The following HIC2 variants were observed in gnomAD, a reference collection of about 807,000 sequenced individuals.
HIC2 encodes HIC ZBTB transcriptional repressor 2.
A neutral mutation model predicts 39.5 loss-of-function variants in HIC2; 2 were observed. The observed-to-expected ratio is 0.05, with a 90% CI of 0.02 to 0.16. HIC2 has a LOEUF of 0.16. Ranked by LOEUF, HIC2 falls within the 10% of genes least tolerant of loss-of-function variation. HIC2 has a pLI of 1.00. For synonymous variants in HIC2, 399 were observed against 368.8 expected (o/e 1.08, Z -0.94); for missense variants, 713 against 863.5 (o/e 0.83, Z 2.18).
chr22:21,442,991 A>C (rs2148339795), intron 2 of HIC2, 134 bp downstream of exon 2: 1 of 480,340 alleles, frequency 2.1e-6, no homozygotes, highest in East Asian at 3.7e-5. Flanking sequence ...GGCAGTGTGG[A>C]GGGAGCCTGG....
intron 1 of HIC2, among the ~76,000 whole-genome samples, chr22:21,426,340 T>TA: frequency 1.0e-5 from 1 of 97,186 alleles, no homozygotes; most frequent in Non-Finnish European, 2.0e-5. Context: ...GCCAGCTATT[T>TA]TTTTTTTTTT....
rs201220817 is a variant in HIC2 at position 21,445,743 on chromosome 22, C to T, written c.848C>T (p.Ala283Val). 156 of 1,611,392 alleles carry T rather than the reference C, an allele frequency of 9.7e-5. No individual in the cohort carries two copies. Among genetic ancestry groups the T allele is most frequent in the African/African-American group, 3.3e-4 (25 of 74,926 alleles). Residue 283 changes from alanine (A) to valine (V), a missense_variant, in exon 3 of 3, where the codon GCG (alanine) becomes GTG (valine). By Grantham distance (64) the Ala-to-Val change is moderately conservative. Around this residue, in one of 5 missense-constraint regions of HIC2, gnomAD observed 457 missense variants for 420.2 expected, o/e 1.09. Transcript: ENST00000407464. Reference sequence around the variant, plus strand: ...GACAGCCAACATGGCTCGCCCCCTGCGGCCTCTGCTCCTCCCGTTGCCAAC... The same window carrying T: ...GACAGCCAACATGGCTCGCCCCCTGTGGCCTCTGCTCCTCCCGTTGCCAAC... Reference protein sequence around the residue: ...LSDSQHGSPPAASAPPVANSA... With the variant: ...LSDSQHGSPPVASAPPVANSA...
In HIC2 at chr22:21,445,815, A is replaced by G; in HGVS notation, c.920A>G (p.Asp307Gly). ...GGGGGCACCCCTGATGAGCCCATGG[A>G]TCTGGAGGGGGCCGAGGACAACCAC... is the stretch of plus-strand genomic sequence containing the variant. ...ELGGTPDEPM[D>G]LEGAEDNHLS... Residue 307 changes from aspartate to glycine, a missense_variant, in exon 3 of 3, where the codon GAT becomes GGT. Physicochemically the swap from Asp to Gly is moderately conservative, Grantham distance 94. This residue lies in a region of HIC2 where 457 missense variants were observed against 420.2 expected (regional missense o/e 1.09). Coordinates refer to ENST00000407464, the MANE Select transcript of HIC2 (RefSeq NM_015094.3). 6.3e-7 allele frequency: 1 copy of G among 1,591,600 alleles called. No homozygotes were observed. The highest frequency in any genetic ancestry group is 1.3e-5 in the African/African-American group (1 of 74,254).
intron 2 of HIC2, 148 bp downstream of exon 2, chr22:21,443,005 C>T (rs1400660766): frequency 2.2e-6 from 1 of 456,602 alleles, no homozygotes; most frequent in East Asian, 3.7e-5. Flanking sequence ...AGCCTGGAGG[C>T]CACTGCCCTC....
At chr22:21,444,789 T>G in intron 2 of HIC2, 133 bp from the exon 3 acceptor site, 1 of 922,162 alleles carries the variant, frequency 1.1e-6, no homozygotes, top group East Asian at 2.5e-5. Context: ...TGCCGTGTAC[T>G]GTGCCGCAGG....
Position 21,445,971 on chromosome 22 carries a change from G to A in HIC2, c.1076G>A (p.Gly359Asp). ...GAGCGGAGAGAAGCAGGGCCCAAGG[G>A]TCCCTGCCCGGGAGAGGAGGGTGAG... ...PFERREAGPK[G>D]PCPGEEGEGV... Residue 359 changes from glycine to aspartate, a missense_variant, in exon 3 of 3, where the codon GGT becomes GAT. By Grantham distance (94) the Gly-to-Asp change is moderately conservative. Coordinates refer to ENST00000407464, the MANE Select transcript of HIC2 (RefSeq NM_015094.3). The A allele has an allele frequency of 1.9e-6, 3 of 1,561,808 alleles. No individual in the cohort carries two copies. Among genetic ancestry groups the A allele is most frequent in the Non-Finnish European group, 1.7e-6 (2 of 1,157,104 alleles).
rs1923817351 is a variant in HIC2 at position 21,446,118 on chromosome 22, A to G, written c.1223A>G (p.Asp408Gly). The change falls in exon 3 of 3, where the codon GAC becomes GGC. Residue 408 changes from aspartate (D) to glycine (G), a missense_variant. Physicochemically the swap from Asp to Gly is moderately conservative, Grantham distance 94. This residue lies in a region of HIC2 where 457 missense variants were observed against 420.2 expected (regional missense o/e 1.09). Coordinates refer to ENST00000407464, the MANE Select transcript of HIC2 (RefSeq NM_015094.3). ...GAGAACGGCAAGGATGCAAGTGAAG[A>G]CAGTGCGCAGAGCGGGAGCGAGGGG... ...EEENGKDASE[D>G]SAQSGSEGGS... 6.2e-7 allele frequency: 1 copy of G among 1,608,292 alleles called. No homozygotes were observed. Among genetic ancestry groups the G allele is most frequent in the Non-Finnish European group, 8.5e-7 (1 of 1,179,860 alleles).
chr22:21,449,432 A>T lies in HIC2; in HGVS notation c.*2689A>T, dbSNP rs1924044579. On this transcript the variant is annotated 3_prime_UTR_variant, in exon 3 of 3. Transcript: ENST00000407464. ...GGATAAACAAAGAAAAAAGAAAAAA[A>T]AATAAGCTCATACCCAAATTCACAA... 6.5e-6 allele frequency: 1 copy of T among 152,788 alleles called. No homozygotes were observed. Among genetic ancestry groups the T allele is most frequent in the Non-Finnish European group, 1.5e-5 (1 of 68,050 alleles). The allele number at this position is 152,788 out of a possible 1,614,324, so 9.5% of individuals were successfully genotyped here.
At chr22:21,431,993 T>C (rs1601326422) in intron 1 of HIC2, among the ~76,000 whole-genome samples, 2 of 141,684 alleles carry the variant, frequency 1.4e-5, no homozygotes, top group African/African-American at 5.1e-5. Context: ...AAACTTCCAA[T>C]GGATGCCGAA....
At chr22:21,426,460 G>A (rs1312172466) in intron 1 of HIC2, among the ~76,000 whole-genome samples, 1 of 149,266 alleles carries the variant, frequency 6.7e-6, no homozygotes, top group Non-Finnish European at 1.5e-5. Flanking sequence ...ACTGTGCCCA[G>A]CCTACATAGC....
chr22:21,446,887 C>T lies in HIC2; in HGVS notation c.*144C>T. On this transcript the variant is annotated 3_prime_UTR_variant, in exon 3 of 3. Transcript: ENST00000407464. ...CCCTCTGGCCCCCACTGCCCACACC[C>T]AGAGCTTTAATGGACAGTCCGTACC... 8.6e-7 allele frequency: 1 copy of T among 1,157,442 alleles called. No individual in the cohort carries two copies. Among genetic ancestry groups the T allele is most frequent in the Non-Finnish European group, 1.2e-6 (1 of 844,278 alleles). 71.7% of individuals were successfully genotyped at this position (1,157,442 alleles called of 1,614,324 possible).
intron 1 of HIC2, among the ~76,000 whole-genome samples, chr22:21,438,618 C>CGTAGG (rs1278413966): frequency 9.0e-6 from 1 of 111,156 alleles, no homozygotes; most frequent in African/African-American, 4.7e-5. Context: ...ACCTCGCTCG[C>CGTAGG]GTAGGATCAT....
chr22:21,443,572 G>A (rs1400104336), intron 2 of HIC2, among the ~76,000 whole-genome samples: 6 of 152,124 alleles, frequency 3.9e-5, no homozygotes, highest in East Asian at 3.9e-4. Flanking sequence ...CCTGAACTGC[G>A]AGGCTCAGAG....
At position 21,445,833 on chromosome 22, in the gene HIC2, A is replaced by G. The variant is rs747340871; in HGVS notation, c.938A>G (p.Asp313Gly). 2.5e-6 allele frequency: 4 copies of G among 1,588,770 alleles called. No homozygotes were observed. The highest frequency in any genetic ancestry group is 4.5e-5 in the East Asian group (2 of 44,570). The change falls in exon 3 of 3, where the codon GAC becomes GGC. Residue 313 changes from aspartate (D) to glycine (G), a missense_variant. By Grantham distance (94) the Asp-to-Gly change is moderately conservative. Transcript: ENST00000407464. ...DEPMDLEGAE[D>G]NHLSLLEAPG... ...CCCATGGATCTGGAGGGGGCCGAGG[A>G]CAACCACCTGAGCCTGCTGGAGGCG...
chr22:21,445,537 G>A lies in HIC2; in HGVS notation c.642G>A (p.Leu214=). The change falls in exon 3 of 3, where the codon CTG becomes CTA. Residue 214 remains leucine (L), a synonymous_variant. Transcript: ENST00000407464. The part of the protein sequence containing the change: ...GGSNQDSVQG[L]GRAVCPAGGE... ...CTAACCAGGATAGCGTGCAAGGTCT[G>A]GGCCGGGCTGTCTGCCCAGCTGGCG... The A allele has an allele frequency of 6.2e-7, 1 of 1,601,318 alleles. No individual in the cohort carries two copies. Among genetic ancestry groups the A allele is most frequent in the Non-Finnish European group, 8.5e-7 (1 of 1,175,122 alleles).
In HIC2 at chr22:21,445,757, C is replaced by T. The variant is rs779573988; in HGVS notation, c.862C>T (p.Pro288Ser). 5 of 1,610,076 alleles carry T rather than the reference C, an allele frequency of 3.1e-6. No individual in the cohort carries two copies. In the South Asian group the frequency reaches 5.5e-5, roughly 18 times the overall value. ...CTCGCCCCCTGCGGCCTCTGCTCCT[C>T]CCGTTGCCAACAGTGCCTCTTATTC... Reference protein sequence around the residue: ...HGSPPAASAPPVANSASYSEL... With the variant: ...HGSPPAASAPSVANSASYSEL... Residue 288 changes from proline to serine, a missense_variant, in exon 3 of 3, where the codon CCC becomes TCC. By Grantham distance (74) the Pro-to-Ser change is moderately conservative. This residue lies in a region of HIC2 where 457 missense variants were observed against 420.2 expected (regional missense o/e 1.09). Coordinates refer to ENST00000407464, the MANE Select transcript of HIC2 (RefSeq NM_015094.3).
chr22:21,417,603 G>C (rs1368305801), intron 1 of HIC2, 43 bp downstream of exon 1: 1 of 147,434 alleles, frequency 6.8e-6, no homozygotes. Flanking sequence ...GGGAGCGGGC[G>C]GGGGCCGGGG....
At chr22:21,443,720 G>C (rs1252215320) in intron 2 of HIC2, among the ~76,000 whole-genome samples, 1 of 152,204 alleles carries the variant, frequency 6.6e-6, no homozygotes, top group Non-Finnish European at 1.5e-5. Flanking sequence ...GCCTTCCCCA[G>C]CACCCTCCTG....
rs1236197524 is a variant in HIC2, at chr22:21,447,144, GTGTGCACGTGTGCTTGTGTC to G, written c.*407_*426del. On this transcript the variant is annotated 3_prime_UTR_variant, in exon 3 of 3. Coordinates refer to ENST00000407464, the MANE Select transcript of HIC2 (RefSeq NM_015094.3). ...CTCACCCCGCTGGCCGTGTCTGTGT[GTGTGCACGTGTGCTTGTGTC>G]TGTGCGGGCGCGTGCAGCCCTGGTT... 3 of 223,644 alleles carry G rather than the reference GTGTGCACGTGTGCTTGTGTC, an allele frequency of 1.3e-5. No individual in the cohort carries two copies. The highest frequency in any genetic ancestry group is 1.1e-4 in the East Asian group (1 of 8,974). 13.9% of individuals were successfully genotyped at this position (223,644 alleles called of 1,614,324 possible).
Sources: gnomAD v4.1 joint callset for allele counts (sites outside exome capture counted in the v4.1 genomes callset) on GRCh38, gnomAD v4.1.1 for gene constraint, gnomAD v4.1.1 regional missense constraint, MANE v1.5 for transcripts, NCBI Gene and HGNC (gene_info 2026-07-23, HGNC 2026-07-21) for gene names.